Variants in DEPTOR observed in about 807,000 individuals in gnomAD.
The protein encoded by DEPTOR is DEP domain containing MTOR interacting protein.
In DEPTOR, 41 loss-of-function variants were observed where a neutral mutation model predicts 41.6. That is an observed-to-expected ratio of 0.98 (90% CI 0.77 to 1.28). The LOEUF is 1.28. Ranked by LOEUF, DEPTOR falls within the 50% of genes most tolerant of loss-of-function variation. The probability of loss-of-function intolerance (pLI) is 0.00; values close to 1 mark genes in which losing one functional copy is unlikely to be tolerated. For missense variants in DEPTOR, 514 were observed against 527.9 expected (o/e 0.97, Z 0.26); for synonymous variants, 195 against 192.3 (o/e 1.01, Z -0.12).
At chr8:119,957,662 C>T (rs1828436240) in intron 3 of DEPTOR, among the ~76,000 whole-genome samples, 1 of 150,292 alleles carries the variant, frequency 6.7e-6, no homozygotes, top group African/African-American at 2.5e-5. Context: ...AATCTTGGCT[C>T]ACTGCAACCT....
chr8:119,900,908 C>CATCT (rs1157609161), intron 1 of DEPTOR, among the ~76,000 whole-genome samples: 3 of 152,152 alleles, frequency 2.0e-5, no homozygotes, highest in African/African-American at 7.2e-5. Flanking sequence ...ACTCCCACAG[C>CATCT]ATCTTCACTC....
intron 4 of DEPTOR, among the ~76,000 whole-genome samples, chr8:119,995,843 G>A (rs1020484329): frequency 6.6e-6 from 1 of 152,100 alleles, no homozygotes; most frequent in African/African-American, 2.4e-5. Context: ...TGAATGTCAC[G>A]TGTGATTTAT....
intron 3 of DEPTOR, among the ~76,000 whole-genome samples, chr8:119,944,835 T>G (rs1391556578): frequency 1.3e-5 from 2 of 152,228 alleles, no homozygotes; most frequent in East Asian, 3.9e-4. Context: ...TTTGTATTTT[T>G]AGTAGAGACA....
In DEPTOR at chr8:120,002,986, G is replaced by C. The variant is rs558864064; in HGVS notation, c.800G>C (p.Ser267Thr). Residue 267 changes from serine to threonine, a missense_variant, in exon 6 of 9, where the codon AGC (serine) becomes ACC (threonine). Physicochemically the swap from Ser to Thr is moderately conservative, Grantham distance 58. Transcript: ENST00000286234. ...KSTSFMSVSP[S>T]KEIKIVSAVR... is the part of the protein sequence containing the mutation. Reference sequence around the variant, plus strand: ...TCTCTGGCCTACACAGTGAGCCCCAGCAAGGAGATCAAGATCGTGTCTGCA... The same window carrying C: ...TCTCTGGCCTACACAGTGAGCCCCACCAAGGAGATCAAGATCGTGTCTGCA... The C allele has an allele frequency of 1.3e-6, 2 of 1,569,182 alleles. No homozygotes were observed. Among genetic ancestry groups the C allele is most frequent in the African/African-American group, 1.4e-5 (1 of 73,348 alleles).
chr8:119,953,603 AAAG>A (rs1288329614), intron 3 of DEPTOR, among the ~76,000 whole-genome samples: 4 of 151,690 alleles, frequency 2.6e-5, no homozygotes, highest in Non-Finnish European at 2.9e-5. Context: ...AAAAAAAAAA[AAAG>A]AAAGAAAGAA....
At chr8:119,986,666 A>G (rs1260466893) in intron 4 of DEPTOR, among the ~76,000 whole-genome samples, 1 of 152,050 alleles carries the variant, frequency 6.6e-6, no homozygotes, top group East Asian at 1.9e-4. Flanking sequence ...AGGTACACCA[A>G]TCAAACATAG....
At chr8:120,039,524 G>C (rs905527269) in intron 8 of DEPTOR, among the ~76,000 whole-genome samples, 1 of 150,834 alleles carries the variant, frequency 6.6e-6, no homozygotes, top group Non-Finnish European at 1.5e-5. Flanking sequence ...GTGTGATTTG[G>C]AGCAAAGTTT....
chr8:119,953,734 G>C (rs957703074), intron 3 of DEPTOR, among the ~76,000 whole-genome samples: 1 of 151,982 alleles, frequency 6.6e-6, no homozygotes, highest in Non-Finnish European at 1.5e-5. Context: ...TTCTGAGTGT[G>C]GGGTAAGACC....
intron 8 of DEPTOR, among the ~76,000 whole-genome samples, chr8:120,034,851 A>G (rs1812954869): frequency 6.6e-6 from 1 of 152,224 alleles, no homozygotes; most frequent in Non-Finnish European, 1.5e-5. Flanking sequence ...AAAAAGAAAA[A>G]TAATTTCTGG....
chr8:119,935,729 AAAAAGAAAAG>A (rs1011489357), intron 3 of DEPTOR, among the ~76,000 whole-genome samples: 10 of 151,934 alleles, frequency 6.6e-5, no homozygotes, highest in Admixed American at 3.9e-4. Flanking sequence ...TCAAAAAAAA[AAAAAGAAAAG>A]AAAAGAAAAG....
At chr8:119,904,144 G>A (rs1372350060) in intron 1 of DEPTOR, among the ~76,000 whole-genome samples, 2 of 151,306 alleles carry the variant, frequency 1.3e-5, no homozygotes, top group Non-Finnish European at 1.5e-5. Context: ...TTGAGATGGA[G>A]TCTAACTCCG....
chr8:120,049,629 C>T lies in DEPTOR; in HGVS notation c.1155C>T (p.Tyr385=). 6.2e-7 allele frequency: 1 copy of T among 1,614,018 alleles called. No individual in the cohort carries two copies. The highest frequency in any genetic ancestry group is 1.1e-5 in the South Asian group (1 of 91,072). The change falls in exon 9 of 9, where the codon TAC becomes TAT. Residue 385 remains tyrosine, a synonymous_variant. Coordinates refer to ENST00000286234, the MANE Select transcript of DEPTOR (RefSeq NM_022783.4). Reference sequence around the variant, plus strand: ...GGCTCAATGTCCTGCATGTAGACTACCGGACCGTGAGCAATCTGATTCTGA... The same window carrying T: ...GGCTCAATGTCCTGCATGTAGACTATCGGACCGTGAGCAATCTGATTCTGA... ...VNGLNVLHVD[Y]RTVSNLILTG...
At chr8:119,990,629 T>C (rs2130048413) in intron 4 of DEPTOR, among the ~76,000 whole-genome samples, 1 of 152,360 alleles carries the variant, frequency 6.6e-6, no homozygotes, top group African/African-American at 2.4e-5. Flanking sequence ...TCCTTTTACT[T>C]CTTTTCCATC....
intron 1 of DEPTOR, among the ~76,000 whole-genome samples, chr8:119,924,590 A>G (rs1459048267): frequency 1.3e-5 from 2 of 152,160 alleles, no homozygotes; most frequent in South Asian, 2.1e-4. Flanking sequence ...CAAAAATTAC[A>G]AAGACTTTTT....
intron 8 of DEPTOR, among the ~76,000 whole-genome samples, chr8:120,031,192 C>G (rs1812885579): frequency 6.6e-6 from 1 of 151,890 alleles, no homozygotes; most frequent in Non-Finnish European, 1.5e-5. Context: ...AAAAGCCAGG[C>G]ACAGTGGCTC....
intron 1 of DEPTOR, among the ~76,000 whole-genome samples, chr8:119,883,165 C>T (rs934557501): frequency 3.3e-5 from 5 of 151,976 alleles, no homozygotes; most frequent in Admixed American, 3.3e-4. Flanking sequence ...AAAACACACC[C>T]TGCAGTGTGA....
chr8:120,027,956 C>T (rs938397406), intron 8 of DEPTOR, among the ~76,000 whole-genome samples: 2 of 150,314 alleles, frequency 1.3e-5, no homozygotes, highest in Non-Finnish European at 2.9e-5. Context: ...GGTTTGGAAA[C>T]TCCCAGGCAA....
intron 1 of DEPTOR, among the ~76,000 whole-genome samples, chr8:119,917,100 C>A (rs142040645): frequency 3.3e-5 from 5 of 152,116 alleles, no homozygotes; most frequent in Admixed American, 3.3e-4. Context: ...ACAGTGACTC[C>A]GGCAAGAGAT....
intron 1 of DEPTOR, among the ~76,000 whole-genome samples, chr8:119,922,132 G>C (rs1352738233): frequency 6.6e-6 from 1 of 151,506 alleles, no homozygotes; most frequent in Non-Finnish European, 1.5e-5. Context: ...CCCACTACTC[G>C]GGAGGCTGAA....
Sources: gnomAD v4.1 joint callset for allele counts (sites outside exome capture counted in the v4.1 genomes callset) on GRCh38, gnomAD v4.1.1 for gene constraint, MANE v1.5 for transcripts, NCBI Gene and HGNC (gene_info 2026-07-23, HGNC 2026-07-21) for gene names.